GEMIN8: variants seen among roughly 807,000 people sequenced by gnomAD.
The protein encoded by GEMIN8 is gem nuclear organelle associated protein 8.
For missense variants in GEMIN8, 185 were observed against 205.9 expected (o/e 0.90, Z 0.62); for synonymous variants, 80 against 78.5 (o/e 1.02, Z -0.10).
intron 4 of GEMIN8, chrX:14,013,987 ATGTGACCAATG>A (rs1223127345): frequency 5.7e-6 from 4 of 702,531 alleles, no homozygotes; most frequent in Non-Finnish European, 3.4e-6. Flanking sequence ...TGTCTACATG[ATGTGACCAATG>A]TCACATCACG....
At chrX:14,002,991 C>T (rs1923025547), downstream of GEMIN8, among the ~76,000 whole-genome samples, 1 of 111,937 alleles carries the variant, frequency 8.9e-6, no homozygotes, top group Admixed American at 9.5e-5. Context: ...CCATCCAAGA[C>T]ACACACCTGA....
At position 14,020,316 on chromosome X, in the gene GEMIN8, G is replaced by T; in HGVS notation, c.234C>A (p.Asp78Glu). 8.3e-7 allele frequency: 1 copy of T among 1,208,232 alleles called. No homozygotes were observed. The highest frequency in any genetic ancestry group is 1.1e-6 in the Non-Finnish European group (1 of 892,131). Residue 78 changes from aspartate (D) to glutamate (E), a missense_variant, in exon 4 of 5, where the codon GAC becomes GAA. Coordinates refer to ENST00000680255, the MANE Select transcript of GEMIN8 (RefSeq NM_001042479.2). ...GGTAGTCCTGCCAGGCCACATGATG[G>T]TCATAGAAGGACTGAGGATACGCAG... ...NEAAYPQSFY[D>E]HHVAWQDYPC...
At chrX:14,015,871 T>C (rs919438311) in intron 4 of GEMIN8, among the ~76,000 whole-genome samples, 3 of 112,021 alleles carry the variant, frequency 2.7e-5, no homozygotes, top group African/African-American at 9.7e-5. Flanking sequence ...TTATTAAAGC[T>C]TTTTCCAACA....
intron 4 of GEMIN8, among the ~76,000 whole-genome samples, chrX:14,019,873 C>CA (rs930143380): frequency 6.3e-5 from 7 of 110,504 alleles, no homozygotes; most frequent in Non-Finnish European, 9.5e-5. Flanking sequence ...TGTTCTGGAA[C>CA]AAAAAAATGT....
downstream of GEMIN8, among the ~76,000 whole-genome samples, chrX:14,006,623 C>A (rs1488706058): frequency 9.0e-6 from 1 of 111,439 alleles, no homozygotes; most frequent in Non-Finnish European, 1.9e-5. Context: ...CAGAAGCCAG[C>A]GCATCCATTC....
At chrX:14,010,563 GA>G (rs1923466967) in intron 4 of GEMIN8, among the ~76,000 whole-genome samples, 2 of 112,444 alleles carry the variant, frequency 1.8e-5, no homozygotes, top group Non-Finnish European at 3.8e-5. Flanking sequence ...AGTGTGAATG[GA>G]AAGATATTTA....
chrX:14,005,249 C>T (rs1218800303), downstream of GEMIN8, among the ~76,000 whole-genome samples: 2 of 110,743 alleles, frequency 1.8e-5, no homozygotes, highest in Non-Finnish European at 3.8e-5. Flanking sequence ...GCCAGGGGAA[C>T]CAACCACATG....
chrX:14,005,914 C>T (rs1923138172), downstream of GEMIN8, among the ~76,000 whole-genome samples: 1 of 111,245 alleles, frequency 9.0e-6, no homozygotes, highest in African/African-American at 3.3e-5. Flanking sequence ...TTTGTTTTTT[C>T]CATCAGATAT....
the GEMIN8 span, among the ~76,000 whole-genome samples, chrX:13,996,487 C>T: frequency 9.0e-5 from 10 of 111,557 alleles, no homozygotes; most frequent in Non-Finnish European, 1.5e-4. Flanking sequence ...GACTTATTCA[C>T]TATCATGAGA....
intron 4 of GEMIN8, among the ~76,000 whole-genome samples, chrX:14,014,759 A>G (rs1923800355): frequency 9.0e-6 from 1 of 111,655 alleles, no homozygotes; most frequent in South Asian, 3.8e-4. Context: ...TCTCCCCTCA[A>G]ACGTATGAAA....
At chrX:14,010,030 T>C (rs778466611) in intron 4 of GEMIN8, among the ~76,000 whole-genome samples, 83 of 111,899 alleles carry the variant, frequency 7.4e-4, no homozygotes, top group Admixed American at 1.9e-3. Context: ...ATTCTACAAA[T>C]GGAATTAAGG....
At chrX:13,986,653 G>A in the GEMIN8 span, among the ~76,000 whole-genome samples, 1 of 112,460 alleles carries the variant, frequency 8.9e-6, no homozygotes, top group Non-Finnish European at 1.9e-5. Context: ...AGCAGCCACA[G>A]GGCTCTTTTG....
chrX:14,015,233 T>C (rs187954032), intron 4 of GEMIN8, among the ~76,000 whole-genome samples: 1 of 112,157 alleles, frequency 8.9e-6, no homozygotes, highest in East Asian at 2.8e-4. Context: ...ATTAGCAATA[T>C]AACCTTGCAG....
chrX:14,009,453 G>A (rs1239691158), intron 4 of GEMIN8, among the ~76,000 whole-genome samples: 3 of 111,603 alleles, frequency 2.7e-5, no homozygotes, highest in South Asian at 3.8e-4. Flanking sequence ...ACCTACTTGC[G>A]AGGCTGAGGT....
chrX:14,010,046 G>C (rs1363831547), intron 4 of GEMIN8, among the ~76,000 whole-genome samples: 1 of 112,051 alleles, frequency 8.9e-6, no homozygotes, highest in Non-Finnish European at 1.9e-5. Context: ...TAAGGCCTCT[G>C]ACTTCTAATC....
chrX:14,017,314 G>C (rs1363938247), intron 4 of GEMIN8, among the ~76,000 whole-genome samples: 1 of 111,737 alleles, frequency 8.9e-6, no homozygotes, highest in Non-Finnish European at 1.9e-5. Context: ...TGAGGTTCAA[G>C]ATGGAAGTTG....
chrX:14,016,636 G>A (rs1923918657), intron 4 of GEMIN8, among the ~76,000 whole-genome samples: 1 of 107,310 alleles, frequency 9.3e-6, no homozygotes, highest in South Asian at 4.1e-4. Context: ...CCTGAGGTCA[G>A]GAGTTCAAGA....
chrX:14,020,358 G>A lies in GEMIN8; in HGVS notation c.192C>T (p.Ser64=), dbSNP rs137990246. Residue 64 remains serine, a synonymous_variant, in exon 4 of 5, where the codon AGC becomes AGT. Transcript: ENST00000680255. Reference sequence around the variant, plus strand: ...GATACGCAGCCTCATTATCGTAAGAGCTTTGGGGAAGAAGCGCAGAAGGTA... The same window carrying A: ...GATACGCAGCCTCATTATCGTAAGAACTTTGGGGAAGAAGCGCAGAAGGTA... ...WYLPSALLPQ[S]SYDNEAAYPQ... 5.0e-5 allele frequency: 61 copies of A among 1,209,551 alleles called. No homozygotes were observed. Among genetic ancestry groups the A allele is most frequent in the Non-Finnish European group, 6.6e-5 (59 of 894,484 alleles).
chrX:14,000,487 C>T, the GEMIN8 span, among the ~76,000 whole-genome samples: 1 of 108,675 alleles, frequency 9.2e-6, no homozygotes, highest in Non-Finnish European at 1.9e-5. Context: ...CTCCCAGCTT[C>T]TTGGGAGGCT....
Sources: allele counts gnomAD v4.1 joint callset (sites outside exome capture counted in the v4.1 genomes callset), GRCh38; gene constraint gnomAD v4.1.1; transcripts MANE v1.5; gene names NCBI Gene and HGNC (gene_info 2026-07-23, HGNC 2026-07-21).